EML1: variants seen among roughly 807,000 people sequenced by gnomAD.
The protein encoded by EML1 is EMAP like 1, also known as echinoderm microtubule-associated protein-like 1.
In EML1, 27 loss-of-function variants were observed where a neutral mutation model predicts 110.4. That is an observed-to-expected ratio of 0.24 (90% CI 0.18 to 0.34). The LOEUF is 0.34. Ranked by LOEUF, EML1 falls within the 10% of genes least tolerant of loss-of-function variation. The pLI, the probability that EML1 is intolerant of heterozygous loss-of-function variation, is 1.00. For missense variants in EML1, 741 were observed against 1,030.9 expected (o/e 0.72, Z 3.85); for synonymous variants, 344 against 385.8 (o/e 0.89, Z 1.27).
At chr14:99,768,088 C>G (rs2057385359), upstream of EML1, among the ~76,000 whole-genome samples, 1 of 152,158 alleles carries the variant, frequency 6.6e-6, no homozygotes, top group Non-Finnish European at 1.5e-5. Flanking sequence ...GTCACTCCTT[C>G]GACTTCCCAG....
chr14:99,872,425 C>G (rs199931151), intron 3 of EML1, among the ~76,000 whole-genome samples: 1 of 152,174 alleles, frequency 6.6e-6, no homozygotes. Context: ...ACCCTCCTCC[C>G]AGAAACATTC....
At chr14:99,819,435 G>GT (rs2058224151) in intron 1 of EML1, among the ~76,000 whole-genome samples, 1 of 152,044 alleles carries the variant, frequency 6.6e-6, no homozygotes. Flanking sequence ...AAGTAGGGTG[G>GT]TTTTTCCTTC....
Position 99,865,663 on chromosome 14 carries a change from G to A in EML1, c.383+17G>A, listed in dbSNP as rs1381196565. 1 of 1,612,426 alleles carries A rather than the reference G, an allele frequency of 6.2e-7. No individual in the cohort carries two copies. Among genetic ancestry groups the A allele is most frequent in the Non-Finnish European group, 8.5e-7 (1 of 1,179,438 alleles). On this transcript the variant is annotated intron_variant, in intron 3 of 21. Coordinates refer to ENST00000262233, the MANE Select transcript of EML1 (RefSeq NM_004434.3). Reference sequence around the variant, plus strand: ...AACCAAAAGGTGAGCCAGAAGCAGGGCCTTAAATGAACTCTCAAAGCAGTT... The same window carrying A: ...AACCAAAAGGTGAGCCAGAAGCAGGACCTTAAATGAACTCTCAAAGCAGTT...
In EML1 at chr14:99,911,502, C is replaced by T; in HGVS notation, c.1420C>T (p.Leu474=). ...ACTTTGTATGTTAAGAGATGGCACACTGGTGTCGGGAGGTGGGAAAGACCG... is the reference window on the plus strand; with the variant it reads ...ACTTTGTATGTTAAGAGATGGCACATTGGTGTCGGGAGGTGGGAAAGACCG... ...FALCMLRDGT[L]VSGGGKDRKL... Residue 474 remains leucine (L), a synonymous_variant, in exon 13 of 22, where the codon CTG becomes TTG. Coordinates refer to ENST00000262233, the MANE Select transcript of EML1 (RefSeq NM_004434.3). 1 of 1,613,028 alleles carries T rather than the reference C, an allele frequency of 6.2e-7. No homozygotes were observed. The highest frequency in any genetic ancestry group is 1.3e-5 in the African/African-American group (1 of 74,956).
rs955047956 is a variant in EML1 at position 99,939,906 on chromosome 14, C to G, written c.2323-81C>G. 2 of 1,441,500 alleles carry G rather than the reference C, an allele frequency of 1.4e-6. No homozygotes were observed. Among genetic ancestry groups the G allele is most frequent in the African/African-American group, 2.9e-5 (2 of 69,328 alleles). 89.3% of individuals were successfully genotyped at this position (1,441,500 alleles called of 1,614,324 possible). ...GGGCGAGTAAAGGAATTAAGGCATG[C>G]AGTGAGAATTCAAGCACTTTCCCAT... On this transcript the variant is annotated intron_variant, in intron 21 of 21. Coordinates refer to ENST00000262233, the MANE Select transcript of EML1 (RefSeq NM_004434.3). The surrounding 1 kb of genome is among the most constrained non-coding windows in gnomAD (Gnocchi z 4.2).
At chr14:99,858,201 T>C (rs2058938049) in intron 2 of EML1, among the ~76,000 whole-genome samples, 1 of 150,784 alleles carries the variant, frequency 6.6e-6, no homozygotes, top group Non-Finnish European at 1.5e-5. Flanking sequence ...TTTTTTTTTT[T>C]AGGCAGAGTT....
chr14:99,884,392 C>T (rs1226700464), intron 4 of EML1, among the ~76,000 whole-genome samples: 4 of 152,192 alleles, frequency 2.6e-5, no homozygotes, highest in Non-Finnish European at 5.9e-5. Flanking sequence ...TTATGGAGCA[C>T]CTGCTGTGTA....
intron 17 of EML1, among the ~76,000 whole-genome samples, chr14:99,927,266 C>G (rs2060251545): frequency 6.6e-6 from 1 of 152,194 alleles, no homozygotes; most frequent in Non-Finnish European, 1.5e-5. Flanking sequence ...TGTTCTCTCT[C>G]TCCCTCTATT....
chr14:99,760,342 T>C (rs1182261404), intron 1 of EML1, among the ~76,000 whole-genome samples: 1 of 152,122 alleles, frequency 6.6e-6, no homozygotes, highest in Admixed American at 6.5e-5. Context: ...ATTGGTAAAA[T>C]GGTGCCTCCA....
intron 1 of EML1, among the ~76,000 whole-genome samples, chr14:99,763,527 G>A (rs2057336823): frequency 6.6e-6 from 1 of 152,178 alleles, no homozygotes; most frequent in South Asian, 2.1e-4. Context: ...AAGACAGGCT[G>A]AAGCTCACAG....
At chr14:99,898,125 G>A (rs924157414) in intron 7 of EML1, 108 bp from the exon 8 acceptor site, 2 of 838,074 alleles carry the variant, frequency 2.4e-6, no homozygotes, top group African/African-American at 1.7e-5. Flanking sequence ...AAGAAGTTAG[G>A]CATTATATAT....
At chr14:99,836,452 TG>T (rs1286720673) in intron 1 of EML1, among the ~76,000 whole-genome samples, 1 of 152,242 alleles carries the variant, frequency 6.6e-6, no homozygotes, top group Non-Finnish European at 1.5e-5. Context: ...TTATATCATC[TG>T]CAAATAGACA....
intron 2 of EML1, among the ~76,000 whole-genome samples, chr14:99,854,541 C>G (rs1403726148): frequency 6.6e-6 from 1 of 152,172 alleles, no homozygotes; most frequent in Non-Finnish European, 1.5e-5. Context: ...TTACCCAGGT[C>G]TTCTTTCCCT....
At position 99,917,786 on chromosome 14, in the gene EML1, C is replaced by G; in HGVS notation, c.1757C>G (p.Pro586Arg). ...ACTTCCTTTAAAATATTTTAGGATC[C>G]AGCTCAGTCTTCTGGTTTTCATCCT... Reference protein sequence around the residue: ...RPVWDKIIEDPAQSSGFHPSG... With the variant: ...RPVWDKIIEDRAQSSGFHPSG... The change falls in exon 16 of 22, where the codon CCA (proline) becomes CGA (arginine). Residue 586 changes from proline (P) to arginine (R), a missense_variant. By Grantham distance (103) the Pro-to-Arg change is moderately radical (BLOSUM62 -2). Coordinates refer to ENST00000262233, the MANE Select transcript of EML1 (RefSeq NM_004434.3). The G allele has an allele frequency of 6.2e-7, 1 of 1,614,030 alleles. No homozygotes were observed. Among genetic ancestry groups the G allele is most frequent in the Non-Finnish European group, 8.5e-7 (1 of 1,179,992 alleles).
intron 1 of EML1, among the ~76,000 whole-genome samples, chr14:99,760,493 T>C (rs1042301641): frequency 6.6e-6 from 1 of 152,216 alleles, no homozygotes; most frequent in Non-Finnish European, 1.5e-5. Context: ...TTGGGATTAC[T>C]GTGCAGGGTG....
chr14:99,883,696 A>G lies in EML1; in HGVS notation c.518+5077A>G, dbSNP rs536397041. ...AGTGTATAATTTTGACATAAATGCC[A>G]TTCTTGTGCATATTTTGTGATCCCT... On this transcript the variant is annotated intron_variant, in intron 4 of 21. Transcript: ENST00000262233. The G allele has an allele frequency of 3.3e-5, 5 of 152,324 alleles. No individual in the cohort carries two copies. In the East Asian group the frequency reaches 9.6e-4, roughly 29 times the overall value. 9.4% of individuals were successfully genotyped at this position (152,324 alleles called of 1,614,324 possible).
intron 1 of EML1, among the ~76,000 whole-genome samples, chr14:99,799,877 T>C (rs1372453543): frequency 2.6e-5 from 4 of 152,210 alleles, no homozygotes; most frequent in African/African-American, 9.6e-5. Flanking sequence ...AAAACCTTCA[T>C]CATGGATAAC....
At chr14:99,793,205 G>C (rs1425288673), upstream of EML1, 2 of 400,174 alleles carry the variant, frequency 5.0e-6, no homozygotes, top group African/African-American at 2.2e-5. Flanking sequence ...CCGCAGGCGC[G>C]GGGAGGCTCG....
At chr14:99,755,316 G>A (rs1000756677) in intron 1 of EML1, among the ~76,000 whole-genome samples, 1 of 152,228 alleles carries the variant, frequency 6.6e-6, no homozygotes, top group Non-Finnish European at 1.5e-5. Flanking sequence ...CTGCCGGAGG[G>A]GCCTGAGAGG....
Sources: gnomAD v4.1 joint callset for allele counts (sites outside exome capture counted in the v4.1 genomes callset) on GRCh38, gnomAD v4.1.1 for gene constraint, Gnocchi (gnomAD v3.1) non-coding constraint, MANE v1.5 for transcripts, NCBI Gene and HGNC (gene_info 2026-07-23, HGNC 2026-07-21) for gene names.